The following SLC3A1 variants were observed in gnomAD, a reference collection of about 807,000 sequenced individuals.
The protein encoded by SLC3A1 is amino acid transporter heavy chain SLC3A1.
Under a neutral mutation model 60.3 loss-of-function variants are expected in SLC3A1, and 78 were observed. The observed-to-expected ratio is 1.29, with a 90% CI of 1.08 to 1.56. SLC3A1 has a LOEUF of 1.56. Among genes scored for constraint, SLC3A1 ranks in the 40% most tolerant of loss-of-function variants. The pLI, the probability that SLC3A1 is intolerant of heterozygous loss-of-function variation, is 0.00. For missense variants in SLC3A1, 1,172 were observed against 858.9 expected (o/e 1.36, Z -4.56); for synonymous variants, 392 against 307.9 (o/e 1.27, Z -2.86).
chr2:44,300,238 A>C, intron 5 of SLC3A1, 148 bp downstream of exon 5: 1 of 845,022 alleles, frequency 1.2e-6, no homozygotes, highest in Admixed American at 2.3e-5. Context: ...GGAAATGTGC[A>C]AGAGTTTGAA....
chr2:44,305,365 T>C (rs557229464), intron 7 of SLC3A1, among the ~76,000 whole-genome samples: 3 of 152,108 alleles, frequency 2.0e-5, no homozygotes, highest in African/African-American at 7.2e-5. Flanking sequence ...CCCACGGTAA[T>C]AGTGGTTTAA....
chr2:44,312,508 T>G, intron 7 of SLC3A1, 78 bp from the exon 8 acceptor site: 1 of 1,511,926 alleles, frequency 6.6e-7, no homozygotes, highest in Non-Finnish European at 9.2e-7. Flanking sequence ...TGCTACGTTG[T>G]GAACTTTCTG....
At position 44,320,338 on chromosome 2, in the gene SLC3A1, T is replaced by C; in HGVS notation, c.1757T>C (p.Leu586Pro). The C allele has an allele frequency of 6.2e-7, 1 of 1,614,184 alleles. No homozygotes were observed. The highest frequency in any genetic ancestry group is 8.5e-7 in the Non-Finnish European group (1 of 1,179,996). ...CACTATGTTGTGTACACAAGAGAGC[T>C]GGATGGCATCGACAGAATCTTTATC... is the stretch of plus-strand genomic sequence containing the variant. ...DSHYVVYTRE[L>P]DGIDRIFIVV... The change falls in exon 10 of 10, where the codon CTG becomes CCG. Residue 586 changes from leucine to proline, a missense_variant. Coordinates refer to ENST00000260649, the MANE Select transcript of SLC3A1 (RefSeq NM_000341.4).
chr2:44,303,826 C>G (rs112533309), intron 6 of SLC3A1: 29 of 507,344 alleles, frequency 5.7e-5, no homozygotes, highest in Middle Eastern at 5.5e-4. Flanking sequence ...TGAGAACATG[C>G]GGTGTTTGGT....
intron 6 of SLC3A1, among the ~76,000 whole-genome samples, chr2:44,302,779 T>C (rs995912076): frequency 6.6e-6 from 1 of 152,248 alleles, no homozygotes; most frequent in Non-Finnish European, 1.5e-5. Flanking sequence ...ACATAAACTT[T>C]AGATTCTAAA....
chr2:44,283,037 C>T lies in SLC3A1; in HGVS notation c.765+1496C>T, dbSNP rs550193321. On this transcript the variant is annotated intron_variant, in intron 3 of 9. Transcript: ENST00000260649. ...ACTGGGCATCCTGCACTTCATCTGG[C>T]AGTTCTGCTTCTGTCTCAGGCCAGA... is the stretch of plus-strand genomic sequence containing the variant. Among the ~76,000 whole-genome samples the T allele has an allele frequency of 5.3e-5, 8 of 152,254 alleles. No individual in the cohort carries two copies. In the South Asian group the frequency reaches 1.7e-3, roughly 32 times the overall value.
Position 44,313,858 on chromosome 2 carries a change from A to G in SLC3A1, c.1524A>G (p.Pro508=). ...YDINTLRSKS[P]MQWDNSSNAG... ...AGAATACCCTTCGCTCAAAGTCACC[A>G]ATGCAGTGGGACAATAGTTCAAATG... Residue 508 remains proline, a synonymous_variant, in exon 9 of 10, where the codon CCA becomes CCG. Coordinates refer to ENST00000260649, the MANE Select transcript of SLC3A1 (RefSeq NM_000341.4). 6.2e-7 allele frequency: 1 copy of G among 1,614,056 alleles called. No individual in the cohort carries two copies. The highest frequency in any genetic ancestry group is 1.1e-5 in the South Asian group (1 of 91,080).
chr2:44,320,225 T>G lies in SLC3A1; in HGVS notation c.1644T>G (p.Ala548=), dbSNP rs767384096. The G allele has an allele frequency of 6.2e-7, 1 of 1,613,974 alleles. No homozygotes were observed. Among genetic ancestry groups the G allele is most frequent in the Non-Finnish European group, 8.5e-7 (1 of 1,179,888 alleles). ...VDVQKTQPRS[A]LKLYQDLSLL... ...TCCAAAAGACTCAGCCCAGATCGGC[T>G]TTGAAGTTATATCAAGATTTAAGTC... Residue 548 remains alanine (A), a synonymous_variant, in exon 10 of 10, where the codon GCT becomes GCG. Coordinates refer to ENST00000260649, the MANE Select transcript of SLC3A1 (RefSeq NM_000341.4).
chr2:44,303,622 G>A lies in SLC3A1; in HGVS notation c.1137-521G>A, dbSNP rs190042698. ...ATACTTTTAGTTCTGGGGTACATGT[G>A]TACAACATGCAGGTTTGTTACATAG... On this transcript the variant is annotated intron_variant, in intron 6 of 9. Transcript: ENST00000260649. Among the ~76,000 whole-genome samples the A allele has an allele frequency of 3.9e-5, 6 of 151,986 alleles. No homozygotes were observed. In the East Asian group the frequency reaches 1.2e-3, roughly 29 times the overall value.
At chr2:44,305,286 G>A (rs1433406748) in intron 7 of SLC3A1, among the ~76,000 whole-genome samples, 1 of 152,152 alleles carries the variant, frequency 6.6e-6, no homozygotes, top group Non-Finnish European at 1.5e-5. Context: ...GTTTGAGTTA[G>A]AGGTCAATAT....
Position 44,300,087 on chromosome 2 carries a change from C to T in SLC3A1, c.1008C>T (p.Ile336=). The T allele has an allele frequency of 6.2e-7, 1 of 1,613,832 alleles. No homozygotes were observed. The highest frequency in any genetic ancestry group is 8.5e-7 in the Non-Finnish European group (1 of 1,179,826). The stretch of plus-strand genomic sequence containing the variant: ...AGATCCAAGTAAATAAGACCCAAAT[C>T]CCGGTAAAGTTTTATTTTAAACGTT... ...RDEIQVNKTQ[I]PDTVTQYSEL... The change falls in exon 5 of 10, where the codon ATC becomes ATT. Residue 336 remains isoleucine, a synonymous_variant. Transcript: ENST00000260649.
Position 44,280,763 on chromosome 2 carries a change from G to T in SLC3A1, c.478G>T (p.Val160Phe), listed in dbSNP as rs886056068. 1 of 1,611,728 alleles carries T rather than the reference G, an allele frequency of 6.2e-7. No individual in the cohort carries two copies. Among genetic ancestry groups the T allele is most frequent in the Non-Finnish European group, 8.5e-7 (1 of 1,177,888 alleles). Residue 160 changes from valine (V) to phenylalanine (F), a missense_variant, in exon 2 of 10, where the codon GTT becomes TTT. By Grantham distance (50) the Val-to-Phe change is conservative. Transcript: ENST00000260649. ...CATCACAGCTTTAAATATAAAAACT[G>T]TTTGGATTACTTCATTTTATAAATC... ...DYITALNIKT[V>F]WITSFYKSSL...
intron 4 of SLC3A1, among the ~76,000 whole-genome samples, chr2:44,294,041 A>G (rs1174747405): frequency 6.6e-6 from 1 of 152,146 alleles, no homozygotes; most frequent in South Asian, 2.1e-4. Flanking sequence ...CAATGTCGAG[A>G]GGGTGTAAGA....
intron 8 of SLC3A1, among the ~76,000 whole-genome samples, chr2:44,313,294 G>A (rs557788767): frequency 2.0e-5 from 3 of 152,072 alleles, no homozygotes; most frequent in African/African-American, 4.8e-5. Context: ...CTGGGTAGAC[G>A]ACTATCTTGC....
In SLC3A1 at chr2:44,320,559, A is replaced by C; in HGVS notation, c.1978A>C (p.Thr660Pro). The change falls in exon 10 of 10, where the codon ACA becomes CCA. Residue 660 changes from threonine to proline, a missense_variant. Physicochemically the swap from Thr to Pro is conservative, Grantham distance 38 (BLOSUM62 -1). Transcript: ENST00000260649. ...HNTKNLLHRQ[T>P]AFRDRCFVSN... Reference sequence around the variant, plus strand: ...CACGAAGAATCTCCTTCATCGCCAAACAGCTTTCAGAGATAGATGCTTTGT... The same window carrying C: ...CACGAAGAATCTCCTTCATCGCCAACCAGCTTTCAGAGATAGATGCTTTGT... 1 of 1,614,080 alleles carries C rather than the reference A, an allele frequency of 6.2e-7. No individual in the cohort carries two copies. The highest frequency in any genetic ancestry group is 1.1e-5 in the South Asian group (1 of 91,084).
chr2:44,317,938 TAAAATG>T (rs1352909559), intron 9 of SLC3A1: 1 of 249,198 alleles, frequency 4.0e-6, no homozygotes, highest in Non-Finnish European at 8.1e-6. Context: ...CACAAAGAAT[TAAAATG>T]AAGATATAGC....
chr2:44,321,576 CG>C, downstream of SLC3A1: 1 of 1,494,974 alleles, frequency 6.7e-7, no homozygotes, highest in South Asian at 1.4e-5. Flanking sequence ...TACTTTCATT[CG>C]AGAGAGAGGC....
intron 6 of SLC3A1, among the ~76,000 whole-genome samples, chr2:44,303,119 T>G (rs1401528095): frequency 6.6e-6 from 1 of 151,678 alleles, no homozygotes; most frequent in African/African-American, 2.4e-5. Context: ...GAGAATCACT[T>G]GCACCTGGGA....
chr2:44,276,017 G>C, intron 1 of SLC3A1, 52 bp downstream of exon 1: 1 of 1,560,010 alleles, frequency 6.4e-7, no homozygotes, highest in South Asian at 1.1e-5. Flanking sequence ...ATTGGTTTAT[G>C]GTTCTTTTGT....
Sources: allele counts gnomAD v4.1 joint callset (sites outside exome capture counted in the v4.1 genomes callset), GRCh38; gene constraint gnomAD v4.1.1; transcripts MANE v1.5; gene names NCBI Gene and HGNC (gene_info 2026-07-23, HGNC 2026-07-21).